PDE4B: variants seen among roughly 807,000 people sequenced by gnomAD.
PDE4B encodes phosphodiesterase 4B.
PDE4B carries 20 observed loss-of-function variants against 82.2 expected under a neutral mutation model. That is an observed-to-expected ratio of 0.24 (90% CI 0.17 to 0.35). The LOEUF (loss-of-function observed/expected upper bound fraction) is 0.35. Among genes scored for constraint, PDE4B ranks in the 10% least tolerant of loss-of-function variants. The pLI, the probability that PDE4B is intolerant of heterozygous loss-of-function variation, is 1.00. For missense variants in PDE4B, 655 were observed against 907.2 expected, an observed-to-expected ratio of 0.72 and a Z score of 3.57; for synonymous variants, 320 against 318.9, an observed-to-expected ratio of 1.00 and a Z score of -0.04.
At chr1:66,317,826 G>A (rs531053671) in intron 7 of PDE4B, among the ~76,000 whole-genome samples, 7 of 152,308 alleles carry the variant, frequency 4.6e-5, no homozygotes, top group African/African-American at 1.7e-4. Flanking sequence ...TGGCCTAGGA[G>A]TTCGAGGCTG....
chr1:66,126,777 T>C (rs1303994495), intron 3 of PDE4B, among the ~76,000 whole-genome samples: 2 of 152,212 alleles, frequency 1.3e-5, no homozygotes, highest in African/African-American at 4.8e-5. Context: ...TATTTCAAGA[T>C]ATTTTTAATT....
intron 3 of PDE4B, among the ~76,000 whole-genome samples, chr1:66,244,081 AT>A (rs1653098532): frequency 6.6e-6 from 1 of 152,256 alleles, no homozygotes. Flanking sequence ...CTGCAACATT[AT>A]TCAGAATTGC....
At chr1:66,303,565 A>G (rs1476501369) in intron 7 of PDE4B, among the ~76,000 whole-genome samples, 1 of 152,048 alleles carries the variant, frequency 6.6e-6, no homozygotes, top group Non-Finnish European at 1.5e-5. Context: ...GAAACTTTGT[A>G]CCCTTTGACC....
chr1:66,145,877 G>A (rs1162133584), intron 3 of PDE4B, among the ~76,000 whole-genome samples: 1 of 152,144 alleles, frequency 6.6e-6, no homozygotes, highest in Non-Finnish European at 1.5e-5. Flanking sequence ...CAAAGTGATA[G>A]TATCAGCCCT....
chr1:65,883,069 C>G (rs192360882), intron 1 of PDE4B, among the ~76,000 whole-genome samples: 9 of 152,262 alleles, frequency 5.9e-5, no homozygotes, highest in African/African-American at 2.2e-4. Context: ...GACTAACAAT[C>G]ATATGCTTCA....
intron 3 of PDE4B, among the ~76,000 whole-genome samples, chr1:66,033,948 C>A (rs1443274488): frequency 6.6e-6 from 1 of 152,074 alleles, no homozygotes; most frequent in Non-Finnish European, 1.5e-5. Flanking sequence ...CTTGACTAAC[C>A]CAGTGACACA....
At chr1:65,914,472 T>TCTTC (rs1553120182) in intron 2 of PDE4B, among the ~76,000 whole-genome samples, 10 of 143,588 alleles carry the variant, frequency 7.0e-5, no homozygotes, top group Admixed American at 1.4e-4. Flanking sequence ...TTCTTCTTCT[T>TCTTC]TTTTTTTTTT....
chr1:66,228,435 T>C (rs150378364), intron 3 of PDE4B, among the ~76,000 whole-genome samples: 1,633 of 152,096 alleles, frequency 0.011, 27 homozygotes, highest in Non-Finnish European at 0.012. Flanking sequence ...CCATCCTGGC[T>C]AACACAGTGA....
intron 3 of PDE4B, among the ~76,000 whole-genome samples, chr1:65,984,321 G>C (rs1650843069): frequency 6.6e-6 from 1 of 152,170 alleles, no homozygotes; most frequent in Non-Finnish European, 1.5e-5. Context: ...AGGGATTAGT[G>C]GTGGCAGGAA....
At chr1:66,065,486 C>T (rs1013335530) in intron 3 of PDE4B, among the ~76,000 whole-genome samples, 3 of 151,642 alleles carry the variant, frequency 2.0e-5, no homozygotes, top group African/African-American at 2.4e-5. Flanking sequence ...AAAACAAAAC[C>T]GGATTACTGG....
In PDE4B at chr1:66,033,714, GA is replaced by G. The variant is rs5774787; in HGVS notation, c.281+114892del. Among the ~76,000 whole-genome samples, 266 of 137,412 alleles carry G rather than the reference GA, an allele frequency of 1.9e-3. 3 individuals carry two copies. Among genetic ancestry groups the G allele is most frequent in the Admixed American group, 0.015 (209 of 13,776 alleles). The allele number at this position is 137,412 out of a possible 152,430, so 90.1% of individuals were successfully genotyped here. On this transcript the variant is annotated intron_variant, in intron 3 of 16. Transcript: ENST00000341517. ...CAAAAGTAGACAGCAGCACCAAATT[GA>G]AAAAAAAAAAAATGAGAGGAGGAGA...
At chr1:66,137,264 G>T (rs546562356) in intron 3 of PDE4B, among the ~76,000 whole-genome samples, 1 of 152,248 alleles carries the variant, frequency 6.6e-6, no homozygotes, top group South Asian at 2.1e-4. Flanking sequence ...TTGATGTCTC[G>T]TGGGGTGTAG....
At chr1:66,195,378 C>A (rs1024630003) in intron 3 of PDE4B, among the ~76,000 whole-genome samples, 4 of 152,106 alleles carry the variant, frequency 2.6e-5, no homozygotes, top group Admixed American at 2.6e-4. Flanking sequence ...CATTTATTAA[C>A]AACATGACTA....
At chr1:66,114,180 A>G (rs931726163) in intron 3 of PDE4B, among the ~76,000 whole-genome samples, 1 of 152,186 alleles carries the variant, frequency 6.6e-6, no homozygotes, top group Non-Finnish European at 1.5e-5. Context: ...TCTATGAACC[A>G]GAAAGCAGGC....
chr1:65,876,395 T>G (rs1646643919), intron 1 of PDE4B, among the ~76,000 whole-genome samples: 1 of 152,106 alleles, frequency 6.6e-6, no homozygotes, highest in Non-Finnish European at 1.5e-5. Flanking sequence ...ATACTTAATA[T>G]TTTGTCAAAT....
intron 8 of PDE4B, among the ~76,000 whole-genome samples, chr1:66,343,864 T>G (rs930784873): frequency 6.6e-6 from 1 of 152,196 alleles, no homozygotes; most frequent in African/African-American, 2.4e-5. Flanking sequence ...ATAGAATTTT[T>G]TTTTTTGTAT....
At chr1:65,863,098 G>A (rs1646473340) in intron 1 of PDE4B, among the ~76,000 whole-genome samples, 2 of 152,076 alleles carry the variant, frequency 1.3e-5, no homozygotes, top group South Asian at 2.1e-4. Context: ...ATGTTAGGGT[G>A]TCAATTTCAT....
chr1:66,018,265 A>C (rs1652891614), intron 3 of PDE4B, among the ~76,000 whole-genome samples: 1 of 151,908 alleles, frequency 6.6e-6, no homozygotes, highest in Non-Finnish European at 1.5e-5. Flanking sequence ...AAAATACAAA[A>C]AATTAGCCGG....
chr1:65,918,471 C>T, intron 2 of PDE4B, 126 bp from the exon 3 acceptor site: 1 of 629,164 alleles, frequency 1.6e-6, no homozygotes, highest in Non-Finnish European at 2.9e-6. Flanking sequence ...TTGTTAGATT[C>T]TGATTGTGAG....
Sources: gnomAD v4.1 joint callset for allele counts (sites outside exome capture counted in the v4.1 genomes callset) on GRCh38, gnomAD v4.1.1 for gene constraint, MANE v1.5 for transcripts, NCBI Gene and HGNC (gene_info 2026-07-23, HGNC 2026-07-21) for gene names.